ALG14: variants seen among roughly 807,000 people sequenced by gnomAD.
The protein encoded by ALG14 is UDP-N-acetylglucosamine transferase subunit ALG14.
In ALG14, 17 loss-of-function variants were observed where a neutral mutation model predicts 22.8. The observed-to-expected ratio is 0.75, with a 90% confidence interval of 0.51 to 1.12. The LOEUF is 1.12. Among genes scored for constraint, ALG14 ranks in the 50% most tolerant of loss-of-function variants. The pLI, the probability that ALG14 is intolerant of heterozygous loss-of-function variation, is 0.00. For missense variants in ALG14, 288 were observed against 271.8 expected (o/e 1.06, Z -0.42); for synonymous variants, 89 against 103.7 (o/e 0.86, Z 0.86).
intron 1 of ALG14, among the ~76,000 whole-genome samples, chr1:95,068,770 A>G (rs896222534): frequency 2.0e-5 from 3 of 152,110 alleles, no homozygotes; most frequent in African/African-American, 7.2e-5. Context: ...CCTACCCTCA[A>G]TAATCTGAAT....
At chr1:95,018,096 C>A (rs921201591) in intron 3 of ALG14, among the ~76,000 whole-genome samples, 1 of 152,130 alleles carries the variant, frequency 6.6e-6, no homozygotes, top group Non-Finnish European at 1.5e-5. Flanking sequence ...AAGCCAAAAC[C>A]TCCTGATTTG....
At position 95,065,010 on chromosome 1, in the gene ALG14, A is replaced by G. The variant is rs1280274267; in HGVS notation, c.144T>C (p.His48=). Residue 48 remains histidine, a synonymous_variant, in exon 2 of 4, where the codon CAT becomes CAC. Coordinates refer to ENST00000370205, the MANE Select transcript of ALG14 (RefSeq NM_144988.4). The part of the protein sequence containing the change: ...SILVVAGSGG[H]TTEILRLLGS... The stretch of plus-strand genomic sequence containing the variant: ...CAAGCAGCCTCAGGATCTCAGTGGT[A>G]TGCCCACCTGGAAAAAATATCAGAA... 1 of 1,611,498 alleles carries G rather than the reference A, an allele frequency of 6.2e-7. No individual in the cohort carries two copies. Among genetic ancestry groups the G allele is most frequent in the Non-Finnish European group, 8.5e-7 (1 of 1,178,912 alleles).
chr1:95,039,714 G>A (rs1215882536), intron 2 of ALG14, among the ~76,000 whole-genome samples: 1 of 152,172 alleles, frequency 6.6e-6, no homozygotes, highest in Non-Finnish European at 1.5e-5. Context: ...TATAACTGAA[G>A]CAATGGGTAG....
At chr1:95,019,490 T>C (rs748185103) in intron 3 of ALG14, among the ~76,000 whole-genome samples, 2 of 152,182 alleles carry the variant, frequency 1.3e-5, no homozygotes, top group Admixed American at 1.3e-4. Flanking sequence ...ATTCCACTTA[T>C]CCTCATTCTT....
intron 2 of ALG14, among the ~76,000 whole-genome samples, chr1:95,059,411 A>AC (rs1675057281): frequency 8.4e-6 from 1 of 119,740 alleles, no homozygotes; most frequent in African/African-American, 2.6e-5. Flanking sequence ...AAAAAAAAAA[A>AC]AAAAAAAAAC....
chr1:95,054,963 T>C (rs976721165), intron 2 of ALG14, among the ~76,000 whole-genome samples: 12 of 152,312 alleles, frequency 7.9e-5, no homozygotes, highest in African/African-American at 2.9e-4. Context: ...TAACACACCA[T>C]AAACAAACTG....
intron 2 of ALG14, among the ~76,000 whole-genome samples, chr1:95,057,406 T>C: frequency 6.6e-6 from 1 of 151,748 alleles, no homozygotes; most frequent in East Asian, 2.0e-4. Flanking sequence ...AATAATACAG[T>C]ATAACAACTA....
At chr1:95,017,529 T>A (rs1043581210) in intron 3 of ALG14, among the ~76,000 whole-genome samples, 1 of 152,012 alleles carries the variant, frequency 6.6e-6, no homozygotes, top group South Asian at 2.1e-4. Flanking sequence ...GGAGAGAATG[T>A]CAAGGATAAG....
chr1:94,996,768 G>A (rs1672919176), intron 3 of ALG14, among the ~76,000 whole-genome samples: 1 of 151,938 alleles, frequency 6.6e-6, no homozygotes, highest in South Asian at 2.1e-4. Context: ...TGCAACCTCC[G>A]CCTCCCATGT....
chr1:95,040,404 T>C (rs1485346368), intron 2 of ALG14, among the ~76,000 whole-genome samples: 2 of 152,128 alleles, frequency 1.3e-5, no homozygotes, highest in Non-Finnish European at 2.9e-5. Context: ...GGAGTATCCC[T>C]CGGCACCCAT....
At chr1:95,054,174 T>C (rs76013902) in intron 2 of ALG14, among the ~76,000 whole-genome samples, 7,017 of 152,318 alleles carry the variant, frequency 0.046, 219 homozygotes, top group South Asian at 0.088. Flanking sequence ...GGTTTAGATC[T>C]GTGTCCCCAC....
intron 3 of ALG14, among the ~76,000 whole-genome samples, chr1:94,990,507 G>A (rs1201929578): frequency 2.0e-5 from 3 of 152,114 alleles, no homozygotes; most frequent in Non-Finnish European, 4.4e-5. Context: ...AATTCTATTG[G>A]TAACAGAATT....
At chr1:95,043,235 C>G (rs1674439347) in intron 2 of ALG14, among the ~76,000 whole-genome samples, 1 of 152,134 alleles carries the variant, frequency 6.6e-6, no homozygotes, top group Non-Finnish European at 1.5e-5. Context: ...GTCTGATATT[C>G]TGTAGATGTT....
intron 3 of ALG14, among the ~76,000 whole-genome samples, chr1:94,989,392 A>G (rs940097482): frequency 1.2e-4 from 18 of 152,070 alleles, no homozygotes; most frequent in African/African-American, 1.9e-4. Context: ...TGTTTAAGCA[A>G]TTTCCCAGAG....
chr1:94,989,912 G>T (rs996042838), intron 3 of ALG14, among the ~76,000 whole-genome samples: 25 of 152,274 alleles, frequency 1.6e-4, no homozygotes, highest in African/African-American at 6.0e-4. Flanking sequence ...AGAGACAGAG[G>T]GGGCCAGATC....
chr1:95,009,266 T>C (rs992502389), intron 3 of ALG14, among the ~76,000 whole-genome samples: 6 of 151,154 alleles, frequency 4.0e-5, no homozygotes, highest in African/African-American at 1.5e-4. Context: ...TTTGAGGAAT[T>C]TGCAAAAGGT....
At position 95,072,833 on chromosome 1, in the gene ALG14, T is replaced by C. The variant is rs1309034063; in HGVS notation, c.66A>G (p.Ile22Met). 1.2e-6 allele frequency: 2 copies of C among 1,614,032 alleles called. No individual in the cohort carries two copies. The highest frequency in any genetic ancestry group is 1.7e-6 in the Non-Finnish European group (2 of 1,180,012). The stretch of plus-strand genomic sequence containing the variant: ...CGTCCATGGAACGAAGCACTACCCA[T>C]ATTCGCAGGATTAGGAAAACCGCCA... The part of the protein sequence containing the change: ...GAVAVFLILR[I>M]WVVLRSMDVT... The change falls in exon 1 of 4, where the codon ATA (isoleucine) becomes ATG (methionine). Residue 22 changes from isoleucine (I) to methionine (M), a missense_variant. Ile to Met is a conservative substitution (Grantham distance 10, BLOSUM62 1). Coordinates refer to ENST00000370205, the MANE Select transcript of ALG14 (RefSeq NM_144988.4).
At chr1:95,011,995 A>G (rs1673377179) in intron 3 of ALG14, among the ~76,000 whole-genome samples, 1 of 152,164 alleles carries the variant, frequency 6.6e-6, no homozygotes, top group Non-Finnish European at 1.5e-5. Context: ...TAACTGAATC[A>G]AGGGGGTGGT....
At chr1:95,000,757 T>C (rs1364848062) in intron 3 of ALG14, among the ~76,000 whole-genome samples, 3 of 140,566 alleles carry the variant, frequency 2.1e-5, no homozygotes, top group Non-Finnish European at 3.0e-5. Context: ...ATCAAAAGCT[T>C]TAGGACCAAT....
Sources: allele counts gnomAD v4.1 joint callset (sites outside exome capture counted in the v4.1 genomes callset), GRCh38; gene constraint gnomAD v4.1.1; transcripts MANE v1.5; gene names NCBI Gene and HGNC (gene_info 2026-07-23, HGNC 2026-07-21).